CTNNA3: variants seen among roughly 807,000 people sequenced by gnomAD.
The protein encoded by CTNNA3 is catenin alpha-3.
Under a neutral mutation model 95.7 loss-of-function variants are expected in CTNNA3, and 76 were observed. That is an observed-to-expected ratio of 0.79 (90% CI 0.66 to 0.96). The LOEUF is 0.96. Ranked by LOEUF, CTNNA3 falls within the 40% of genes least tolerant of loss-of-function variation. The probability of loss-of-function intolerance (pLI) is 0.00; values close to 1 mark genes in which losing one functional copy is unlikely to be tolerated. For missense variants in CTNNA3, 1,191 were observed against 1,089.8 expected, an observed-to-expected ratio of 1.09 and a Z score of -1.31; for synonymous variants, 431 against 374.4, an observed-to-expected ratio of 1.15 and a Z score of -1.74.
intron 11 of CTNNA3, among the ~76,000 whole-genome samples, chr10:66,438,869 G>A (rs2093356319): frequency 6.6e-6 from 1 of 152,120 alleles, no homozygotes; most frequent in Non-Finnish European, 1.5e-5. Context: ...AAAGACCATG[G>A]GAAAAGCAAA....
chr10:67,473,401 TA>T (rs575959777), intron 5 of CTNNA3, among the ~76,000 whole-genome samples: 1 of 151,948 alleles, frequency 6.6e-6, no homozygotes, highest in Non-Finnish European at 1.5e-5. Context: ...CATACTTGAC[TA>T]AAAAAAATCC....
At chr10:66,316,764 C>T (rs2092106965) in intron 12 of CTNNA3, among the ~76,000 whole-genome samples, 1 of 152,048 alleles carries the variant, frequency 6.6e-6, no homozygotes, top group African/African-American at 2.4e-5. Flanking sequence ...TGATATTATT[C>T]AAGGACCTGC....
chr10:66,091,294 T>C (rs1298658875), intron 14 of CTNNA3, among the ~76,000 whole-genome samples: 3 of 152,050 alleles, frequency 2.0e-5, no homozygotes, highest in South Asian at 4.1e-4. Context: ...TAAGTAATTA[T>C]CTACTAAAAT....
At chr10:67,533,186 T>C (rs539234543) in intron 4 of CTNNA3, among the ~76,000 whole-genome samples, 45 of 151,992 alleles carry the variant, frequency 3.0e-4, no homozygotes, top group Non-Finnish European at 6.0e-4. Flanking sequence ...TAGCCTGGCA[T>C]GGTGGTGCAC....
chr10:67,308,937 T>C lies in CTNNA3; in HGVS notation c.580-89067A>G, dbSNP rs184917162. 9.2e-5 allele frequency among the ~76,000 whole-genome samples: 14 copies of C among 152,330 alleles called. 1 individual carries two copies. Among genetic ancestry groups the C allele is most frequent in the Non-Finnish European group, 1.5e-5 (1 of 68,020 alleles). On this transcript the variant is annotated intron_variant, in intron 5 of 17. Coordinates refer to ENST00000433211, the MANE Select transcript of CTNNA3 (RefSeq NM_013266.4). ...GAATTTTAATTCTCAAAAAGTTTACTTCTACTCTTGGTCTGAAGTGACTTT... is the reference window on the plus strand; with the variant it reads ...GAATTTTAATTCTCAAAAAGTTTACCTCTACTCTTGGTCTGAAGTGACTTT...
intron 12 of CTNNA3, among the ~76,000 whole-genome samples, chr10:66,378,210 A>T (rs1459742041): frequency 6.6e-6 from 1 of 152,162 alleles, no homozygotes; most frequent in Admixed American, 6.5e-5. Context: ...AGAAAAATTA[A>T]AAAAATGACT....
chr10:66,907,315 A>G (rs10822939), intron 7 of CTNNA3, among the ~76,000 whole-genome samples: 45,789 of 151,940 alleles, frequency 0.3, 8,108 homozygotes, highest in East Asian at 0.47. Flanking sequence ...ACAAATATGA[A>G]GCAATTGCTT....
At chr10:66,774,610 T>G (rs1840221104) in intron 8 of CTNNA3, among the ~76,000 whole-genome samples, 1 of 152,220 alleles carries the variant, frequency 6.6e-6, no homozygotes, top group African/African-American at 2.4e-5. Flanking sequence ...AAAGATTGCT[T>G]AGCCATTTTA....
chr10:67,330,842 G>A (rs540187512), intron 5 of CTNNA3, among the ~76,000 whole-genome samples: 20 of 152,160 alleles, frequency 1.3e-4, no homozygotes, highest in South Asian at 6.2e-4. Flanking sequence ...AGTAAAATAC[G>A]GATAAAGGAA....
intron 5 of CTNNA3, among the ~76,000 whole-genome samples, chr10:67,309,337 T>C (rs1034418287): frequency 6.6e-6 from 1 of 152,178 alleles, no homozygotes; most frequent in Admixed American, 6.5e-5. Context: ...TACAGCAGCA[T>C]CTCCTGGCTG....
chr10:66,951,424 T>TATC (rs1848534868), intron 7 of CTNNA3, among the ~76,000 whole-genome samples: 1 of 152,162 alleles, frequency 6.6e-6, no homozygotes, highest in Non-Finnish European at 1.5e-5. Context: ...CCCAACACCA[T>TATC]ATCTTTTAAA....
Position 67,759,842 on chromosome 10 carries a change from T to C in CTNNA3, c.-2+3592A>G, listed in dbSNP as rs183219648. Reference sequence around the variant, plus strand: ...TGACAACCAGCAAGTCTTACAACCATAGGAGCTAAATTCTGCCAACAACTA... The same window carrying C: ...TGACAACCAGCAAGTCTTACAACCACAGGAGCTAAATTCTGCCAACAACTA... On this transcript the variant is annotated intron_variant, in intron 1 of 17. Coordinates refer to the CTNNA3 transcript ENST00000684154. Among the ~76,000 whole-genome samples, 166 of 152,152 alleles carry C rather than the reference T, an allele frequency of 1.1e-3. 1 individual carries two copies. Among genetic ancestry groups the C allele is most frequent in the Non-Finnish European group, 6.0e-4 (41 of 68,004 alleles).
chr10:66,728,744 T>C (rs191926616), intron 9 of CTNNA3, among the ~76,000 whole-genome samples: 6 of 152,234 alleles, frequency 3.9e-5, no homozygotes, highest in Admixed American at 3.3e-4. Context: ...TGTGCAACCA[T>C]GCCCAGCTAA....
At chr10:66,786,177 C>A (rs1279599203) in intron 7 of CTNNA3, among the ~76,000 whole-genome samples, 1 of 152,034 alleles carries the variant, frequency 6.6e-6, no homozygotes, top group Non-Finnish European at 1.5e-5. Flanking sequence ...CTTGCTCTAT[C>A]CCTTATTGAG....
intron 7 of CTNNA3, among the ~76,000 whole-genome samples, chr10:66,981,247 A>G (rs1850423669): frequency 6.6e-6 from 1 of 152,192 alleles, no homozygotes; most frequent in Non-Finnish European, 1.5e-5. Context: ...CAATATCCTG[A>G]CTACAGTTAA....
At chr10:67,503,372 T>C (rs1839293355) in intron 5 of CTNNA3, among the ~76,000 whole-genome samples, 1 of 152,226 alleles carries the variant, frequency 6.6e-6, no homozygotes. Flanking sequence ...ACCTTCTGCA[T>C]TGATCTTGCT....
intron 10 of CTNNA3, among the ~76,000 whole-genome samples, chr10:66,553,517 CTTT>C (rs753973882): frequency 3.8e-5 from 2 of 52,214 alleles, no homozygotes; most frequent in South Asian, 1.0e-3. Context: ...CAATACTTTT[CTTT>C]TTTTTTTTTT....
At chr10:67,742,017 G>A (rs1218134296) in intron 1 of CTNNA3, among the ~76,000 whole-genome samples, 2 of 151,238 alleles carry the variant, frequency 1.3e-5, no homozygotes, top group East Asian at 1.9e-4. Flanking sequence ...CAAGTCCTTA[G>A]AGACCTACAA....
intron 7 of CTNNA3, among the ~76,000 whole-genome samples, chr10:66,848,478 G>A (rs576555688): frequency 6.6e-6 from 1 of 152,194 alleles, no homozygotes; most frequent in Admixed American, 6.5e-5. Context: ...CAGAATCAGA[G>A]ACATGACCTA....
Sources: gnomAD v4.1 joint callset for allele counts (sites outside exome capture counted in the v4.1 genomes callset) on GRCh38, gnomAD v4.1.1 for gene constraint, MANE v1.5 for transcripts, NCBI Gene and HGNC (gene_info 2026-07-23, HGNC 2026-07-21) for gene names.